The following ANK3 variants were observed in gnomAD, a reference collection of about 807,000 sequenced individuals.
The protein encoded by ANK3 is ankyrin 3.
ANK3 carries 57 observed loss-of-function variants against 370.9 expected under a neutral mutation model. That is an observed-to-expected ratio of 0.15 (90% CI 0.12 to 0.19). The LOEUF (loss-of-function observed/expected upper bound fraction) is 0.19, where lower values mean the gene tolerates loss of function less well. ANK3 is among the 10% of genes least tolerant of loss of function. ANK3 has a pLI of 1.00. For missense variants in ANK3, 4,439 were observed against 5,302.1 expected, an observed-to-expected ratio of 0.84 and a Z score of 5.06; for synonymous variants, 1,929 against 1,946.3, an observed-to-expected ratio of 0.99 and a Z score of 0.23.
intron 2 of ANK3, among the ~76,000 whole-genome samples, chr10:60,420,176 C>A (rs2060115652): frequency 6.6e-6 from 1 of 152,092 alleles, no homozygotes; most frequent in African/African-American, 2.4e-5. Context: ...GGAGCACTCA[C>A]CTAACATGGG....
intron 1 of ANK3, among the ~76,000 whole-genome samples, chr10:60,349,661 C>G (rs1208388656): frequency 2.6e-5 from 4 of 152,128 alleles, no homozygotes; most frequent in Non-Finnish European, 5.9e-5. Flanking sequence ...CACATGAACC[C>G]TAATTCTTTC....
At chr10:60,683,837 T>C (rs1175250274) in intron 1 of ANK3, among the ~76,000 whole-genome samples, 1 of 152,186 alleles carries the variant, frequency 6.6e-6, no homozygotes, top group Non-Finnish European at 1.5e-5. Context: ...ATATAAACAT[T>C]TCTTTTAATT....
chr10:60,591,936 T>C lies in ANK3; in HGVS notation c.96+23250A>G, dbSNP rs532583539. Among the ~76,000 whole-genome samples, 4 of 152,230 alleles carry C rather than the reference T, an allele frequency of 2.6e-5. No homozygotes were observed. In the South Asian group the frequency reaches 8.3e-4, roughly 32 times the overall value. ...GATTACCACAGACTTGGAAGGATAATGGAGGCTTGGGGGAGAGGTGGGAAT... is the reference window on the plus strand; with the variant it reads ...GATTACCACAGACTTGGAAGGATAACGGAGGCTTGGGGGAGAGGTGGGAAT... On this transcript the variant is annotated intron_variant, in intron 2 of 43. Transcript: ENST00000373827.
At chr10:60,082,864 G>A (rs943318212) in intron 33 of ANK3, 127 bp from the exon 34 acceptor site, 15 of 1,109,484 alleles carry the variant, frequency 1.4e-5, no homozygotes, top group Admixed American at 8.0e-5. Context: ...GGGAAAAGAT[G>A]ATGATTACGA....
At chr10:60,722,499 G>T (rs188441979) in intron 1 of ANK3, among the ~76,000 whole-genome samples, 1 of 151,944 alleles carries the variant, frequency 6.6e-6, no homozygotes, top group East Asian at 1.9e-4. Flanking sequence ...CTCAAAGACA[G>T]GCTAAAAATC....
chr10:60,213,804 T>C (rs1048728389), intron 8 of ANK3, among the ~76,000 whole-genome samples: 1 of 152,196 alleles, frequency 6.6e-6, no homozygotes, highest in Non-Finnish European at 1.5e-5. Context: ...CTACAAGTAA[T>C]TTGATGCTCA....
At chr10:60,354,866 CT>C (rs1194656948) in intron 1 of ANK3, among the ~76,000 whole-genome samples, 2 of 148,000 alleles carry the variant, frequency 1.4e-5, no homozygotes, top group African/African-American at 5.3e-5. Context: ...GAAAAATTTT[CT>C]TTTGTATTTT....
chr10:60,298,899 G>A (rs980093014), intron 1 of ANK3, among the ~76,000 whole-genome samples: 9 of 152,152 alleles, frequency 5.9e-5, no homozygotes, highest in African/African-American at 2.2e-4. Context: ...TGTAATTTAT[G>A]ATCATGCATA....
At position 60,553,273 on chromosome 10, in the gene ANK3, C is replaced by T. The variant is rs897711753; in HGVS notation, c.96+61913G>A. Among the ~76,000 whole-genome samples the T allele has an allele frequency of 4.0e-5, 6 of 150,534 alleles. No individual in the cohort carries two copies. In the East Asian group the frequency reaches 7.7e-4, roughly 19 times the overall value. ...TATACCCACTGGGTAACCTTAGACA[C>T]GTTTCTTAGGTTAAGCTTGATCACT... is the stretch of plus-strand genomic sequence containing the variant. On this transcript the variant is annotated intron_variant, in intron 2 of 43. Transcript: ENST00000373827.
intron 1 of ANK3, among the ~76,000 whole-genome samples, chr10:60,387,182 A>T (rs2062497256): frequency 6.6e-6 from 1 of 152,106 alleles, no homozygotes; most frequent in Non-Finnish European, 1.5e-5. Flanking sequence ...AATCCTATAC[A>T]ATATTTCTGC....
At chr10:60,189,748 GT>G (rs376061911) in intron 16 of ANK3, among the ~76,000 whole-genome samples, 5 of 152,166 alleles carry the variant, frequency 3.3e-5, no homozygotes, top group African/African-American at 1.2e-4. Context: ...GACCTACAGG[GT>G]TTTTTCCCTC....
At chr10:60,598,790 T>C (rs1348151043) in intron 2 of ANK3, among the ~76,000 whole-genome samples, 3 of 152,186 alleles carry the variant, frequency 2.0e-5, no homozygotes, top group African/African-American at 7.2e-5. Flanking sequence ...ATAGTGAACA[T>C]TACATCAGAA....
rs995191817 is a variant in ANK3 at position 60,386,345 on chromosome 10, T to A, written c.114+3080A>T. On this transcript the variant is annotated intron_variant, in intron 1 of 43. Coordinates refer to ENST00000280772, the MANE Select transcript of ANK3 (RefSeq NM_020987.5). Reference sequence around the variant, plus strand: ...ATTGATAAGCACCTTTTAAAGAAGATACTCATTCAAACTTTTTTTTTTCAA... The same window carrying A: ...ATTGATAAGCACCTTTTAAAGAAGAAACTCATTCAAACTTTTTTTTTTCAA... Among the ~76,000 whole-genome samples, 3 of 151,922 alleles carry A rather than the reference T, an allele frequency of 2.0e-5. No homozygotes were observed. In the South Asian group the frequency reaches 6.3e-4, roughly 32 times the overall value.
chr10:60,681,645 C>A (rs894382493), intron 1 of ANK3, among the ~76,000 whole-genome samples: 2 of 152,172 alleles, frequency 1.3e-5, no homozygotes, highest in Non-Finnish European at 2.9e-5. Flanking sequence ...CTTACACCAC[C>A]ATAGTATAGG....
chr10:60,218,437 A>G (rs1023176422), intron 8 of ANK3, among the ~76,000 whole-genome samples: 3 of 151,838 alleles, frequency 2.0e-5, no homozygotes, highest in African/African-American at 7.3e-5. Flanking sequence ...TCCTTTCCAT[A>G]TTTAGTACTT....
At chr10:60,631,161 T>G (rs1176419904) in intron 1 of ANK3, among the ~76,000 whole-genome samples, 2 of 152,144 alleles carry the variant, frequency 1.3e-5, no homozygotes, top group Non-Finnish European at 2.9e-5. Flanking sequence ...CTGTGCCAGG[T>G]AATCAGGGCT....
At position 60,029,279 on chromosome 10, in the gene ANK3, T is replaced by C. The variant is rs2072751634; in HGVS notation, c.*567A>G. 6.6e-6 allele frequency: 1 copy of C among 151,220 alleles called. No individual in the cohort carries two copies. The highest frequency in any genetic ancestry group is 2.4e-5 in the African/African-American group (1 of 41,420). The allele number at this position is 151,220 out of a possible 1,614,324, so 9.4% of individuals were successfully genotyped here. The stretch of plus-strand genomic sequence containing the variant: ...TTTGTTAAATGCATTTGCAATATTC[T>C]GTTTGTGTTCTAAGAGGCAGTGCCT... On this transcript the variant is annotated 3_prime_UTR_variant, in exon 44 of 44. Transcript: ENST00000280772.
intron 2 of ANK3, among the ~76,000 whole-genome samples, chr10:60,534,401 G>C (rs2076676886): frequency 6.6e-6 from 1 of 152,102 alleles, no homozygotes; most frequent in African/African-American, 2.4e-5. Context: ...AGACTCTCCT[G>C]TTAAATCTGT....
intron 21 of ANK3, among the ~76,000 whole-genome samples, chr10:60,170,494 C>T (rs2095754766): frequency 6.6e-6 from 1 of 152,160 alleles, no homozygotes; most frequent in Non-Finnish European, 1.5e-5. Context: ...GATAATGTAC[C>T]AAATACCACA....
Sources: allele counts gnomAD v4.1 joint callset (sites outside exome capture counted in the v4.1 genomes callset), GRCh38; gene constraint gnomAD v4.1.1; transcripts MANE v1.5; gene names NCBI Gene and HGNC (gene_info 2026-07-23, HGNC 2026-07-21).